The following SCAPER variants were observed in gnomAD, a reference collection of about 807,000 sequenced individuals.
The protein encoded by SCAPER is S-phase cyclin A associated protein in the ER.
In SCAPER, 98 loss-of-function variants were observed where a neutral mutation model predicts 182.2. The ratio of observed to expected loss-of-function variants is 0.54; its 90% confidence interval spans 0.46 to 0.64. The LOEUF (loss-of-function observed/expected upper bound fraction) is 0.64. Ranked by LOEUF, SCAPER falls within the 30% of genes least tolerant of loss-of-function variation. The pLI, the probability that SCAPER is intolerant of heterozygous loss-of-function variation, is 0.00. For missense variants in SCAPER, 1,432 were observed against 1,690.0 expected, an observed-to-expected ratio of 0.85 and a Z score of 2.68; for synonymous variants, 605 against 564.6, an observed-to-expected ratio of 1.07 and a Z score of -1.01.
In SCAPER at chr15:76,775,122, G is replaced by A; in HGVS notation, c.773-5C>T. The A allele has an allele frequency of 6.3e-7, 1 of 1,576,458 alleles. No individual in the cohort carries two copies. The highest frequency in any genetic ancestry group is 8.6e-7 in the Non-Finnish European group (1 of 1,162,986). On this transcript the variant is annotated splice_region_variant and splice_polypyrimidine_tract_variant and intron_variant, in intron 8 of 31. Coordinates refer to ENST00000563290, the MANE Select transcript of SCAPER (RefSeq NM_020843.4). ...ATCCTTCAGCATCTTTCCGTTCTAT[G>A]CAATTAAAGTAAAAAACAAATCAAG...
intron 6 of SCAPER, among the ~76,000 whole-genome samples, chr15:76,803,451 G>A (rs879501273): frequency 2.0e-5 from 3 of 152,056 alleles, no homozygotes; most frequent in Non-Finnish European, 2.9e-5. Context: ...GATGACACTT[G>A]GCACATTTAT....
intron 22 of SCAPER, among the ~76,000 whole-genome samples, chr15:76,574,526 T>G (rs1031777367): frequency 3.3e-5 from 5 of 152,188 alleles, no homozygotes; most frequent in African/African-American, 1.2e-4. Flanking sequence ...TCTACAGGAT[T>G]AGCTAGAGCA....
At position 76,587,914 on chromosome 15, in the gene SCAPER, T is replaced by G. The variant is rs777986064; in HGVS notation, c.2712-13630A>C. On this transcript the variant is annotated intron_variant, in intron 22 of 31. Transcript: ENST00000563290. Reference sequence around the variant, plus strand: ...TTACTGTGCTACTGTCTTTCTCATTTCTTTTTCTTTTCTTTTTTTTTTTTT... The same window carrying G: ...TTACTGTGCTACTGTCTTTCTCATTGCTTTTTCTTTTCTTTTTTTTTTTTT... Among the ~76,000 whole-genome samples the G allele has an allele frequency of 8.2e-4, 124 of 151,032 alleles. 2 individuals are homozygous for G. Among genetic ancestry groups the G allele is most frequent in the Non-Finnish European group, 6.8e-4 (46 of 67,872 alleles).
intron 17 of SCAPER, among the ~76,000 whole-genome samples, chr15:76,719,761 AC>A (rs1274194691): frequency 6.6e-6 from 1 of 152,182 alleles, no homozygotes; most frequent in Non-Finnish European, 1.5e-5. Flanking sequence ...TAAGATGCCC[AC>A]TAACGAAACA....
At chr15:76,851,638 TGA>T (rs1383498595) in intron 4 of SCAPER, among the ~76,000 whole-genome samples, 4 of 152,166 alleles carry the variant, frequency 2.6e-5, no homozygotes, top group African/African-American at 9.7e-5. Flanking sequence ...AAGCAAATGT[TGA>T]GAGAGTTTAT....
chr15:76,351,138 TA>T (rs1566973705), intron 31 of SCAPER, 98 bp downstream of exon 31: 1 of 1,017,342 alleles, frequency 9.8e-7, no homozygotes, highest in Non-Finnish European at 1.4e-6. Flanking sequence ...AGGTTATGTA[TA>T]AAATTTTACA....
At position 76,404,406 on chromosome 15, in the gene SCAPER, A is replaced by G. The variant is rs2044675683; in HGVS notation, c.3467+118T>C. 6 of 1,036,902 alleles carry G rather than the reference A, an allele frequency of 5.8e-6. No homozygotes were observed. The South Asian group carries it at 1.2e-4, about 20-fold the overall frequency. 64.2% of individuals were successfully genotyped at this position (1,036,902 alleles called of 1,614,324 possible). ...AGAAAGCCAATGATGGGGAAAGAAC[A>G]AAGAGGAAAGATGGCCAAGATGACC... On this transcript the variant is annotated intron_variant, in intron 27 of 31. Coordinates refer to ENST00000563290, the MANE Select transcript of SCAPER (RefSeq NM_020843.4).
intron 21 of SCAPER, among the ~76,000 whole-genome samples, chr15:76,640,098 T>C (rs2053980368): frequency 6.6e-6 from 1 of 152,212 alleles, no homozygotes; most frequent in Non-Finnish European, 1.5e-5. Context: ...ATGGGCTTGA[T>C]TGCTGTTACT....
intron 8 of SCAPER, among the ~76,000 whole-genome samples, chr15:76,791,811 A>G (rs1250462740): frequency 6.6e-6 from 1 of 152,104 alleles, no homozygotes; most frequent in Non-Finnish European, 1.5e-5. Context: ...CGAACATTCT[A>G]GCTTTTCATT....
intron 6 of SCAPER, among the ~76,000 whole-genome samples, chr15:76,802,636 T>C (rs1262294949): frequency 1.3e-5 from 2 of 152,208 alleles, no homozygotes; most frequent in Non-Finnish European, 2.9e-5. Flanking sequence ...CCAGCCCTTC[T>C]GGATTTCTCC....
At chr15:76,898,234 C>T (rs993571158) in intron 1 of SCAPER, among the ~76,000 whole-genome samples, 3 of 152,066 alleles carry the variant, frequency 2.0e-5, no homozygotes, top group Admixed American at 1.3e-4. Context: ...AGATGTCTAC[C>T]GTCAAAAAGA....
intron 17 of SCAPER, among the ~76,000 whole-genome samples, chr15:76,708,086 C>G (rs1269640357): frequency 1.3e-5 from 2 of 152,108 alleles, no homozygotes; most frequent in Admixed American, 6.6e-5. Flanking sequence ...ATACCAAAAT[C>G]TGAGGATGTT....
chr15:76,839,459 A>C (rs992887144), intron 5 of SCAPER, among the ~76,000 whole-genome samples: 1 of 152,202 alleles, frequency 6.6e-6, no homozygotes, highest in African/African-American at 2.4e-5. Context: ...AAAACAAGAA[A>C]ACTAGTTAGT....
At chr15:76,476,691 A>T (rs157784) in intron 24 of SCAPER, among the ~76,000 whole-genome samples, 145,235 of 149,402 alleles carry the variant, frequency 0.97, 70,706 homozygotes, top group East Asian at 1. Context: ...GATCCCTCCT[A>T]CCACCTAGGC....
intron 30 of SCAPER, among the ~76,000 whole-genome samples, chr15:76,352,130 G>GTC (rs558371209): frequency 1.6e-4 from 24 of 152,288 alleles, no homozygotes; most frequent in African/African-American, 4.6e-4. Flanking sequence ...AAACATCACT[G>GTC]TCTCTTTGTT....
intron 21 of SCAPER, among the ~76,000 whole-genome samples, chr15:76,634,627 G>A (rs573330734): frequency 1.3e-5 from 2 of 152,100 alleles, no homozygotes; most frequent in South Asian, 2.1e-4. Context: ...TCTTAATAAC[G>A]TTTGTAGTTT....
At chr15:76,421,862 C>T (rs1216037296) in intron 26 of SCAPER, among the ~76,000 whole-genome samples, 2 of 152,164 alleles carry the variant, frequency 1.3e-5, no homozygotes, top group Non-Finnish European at 2.9e-5. Context: ...TTCCCAGCAC[C>T]ATTTATTAAA....
chr15:76,706,483 T>C (rs1178881927), intron 17 of SCAPER, among the ~76,000 whole-genome samples: 3 of 151,950 alleles, frequency 2.0e-5, no homozygotes, highest in African/African-American at 4.8e-5. Flanking sequence ...AGCTCAGAAA[T>C]TGAAGAAACT....
At chr15:76,518,574 GCCTGCTCTCTGGAGCTAGAGACCCT>G (rs1053523663) in intron 23 of SCAPER, among the ~76,000 whole-genome samples, 1 of 152,166 alleles carries the variant, frequency 6.6e-6, no homozygotes, top group South Asian at 2.1e-4. Context: ...ATTATCTGGA[GCCTGCTCTCTGGAGCTAGAGACCCT>G]CCTGTTCTCT....
Sources: allele counts gnomAD v4.1 joint callset (sites outside exome capture counted in the v4.1 genomes callset), GRCh38; gene constraint gnomAD v4.1.1; transcripts MANE v1.5; gene names NCBI Gene and HGNC (gene_info 2026-07-23, HGNC 2026-07-21).